The following FHIT variants were observed in gnomAD, a reference collection of about 807,000 sequenced individuals.
FHIT encodes bis(5'-adenosyl)-triphosphatase.
Under a neutral mutation model 17.9 loss-of-function variants are expected in FHIT, and 19 were observed. The observed-to-expected ratio is 1.06, with a 90% CI of 0.74 to 1.56. FHIT has a LOEUF of 1.56. Among genes scored for constraint, FHIT ranks in the 40% most tolerant of loss-of-function variants. The probability of loss-of-function intolerance (pLI) is 0.00; values close to 1 mark genes in which losing one functional copy is unlikely to be tolerated. For missense variants in FHIT, 248 were observed against 189.2 expected (o/e 1.31, Z -1.82); for synonymous variants, 81 against 69.7 (o/e 1.16, Z -0.81).
intron 5 of FHIT, among the ~76,000 whole-genome samples, chr3:60,338,104 G>A (rs1317227566): frequency 1.3e-5 from 2 of 152,066 alleles, no homozygotes; most frequent in African/African-American, 4.8e-5. Flanking sequence ...GGGACAGGAT[G>A]GAATGCGTTT....
intron 7 of FHIT, among the ~76,000 whole-genome samples, chr3:59,925,149 G>A (rs1455502844): frequency 6.7e-6 from 1 of 149,678 alleles, no homozygotes; most frequent in African/African-American, 2.5e-5. Context: ...TGTCACCCAG[G>A]TTGGAGTACA....
intron 5 of FHIT, among the ~76,000 whole-genome samples, chr3:60,139,683 T>C (rs779802263): frequency 4.6e-5 from 7 of 152,194 alleles, no homozygotes; most frequent in East Asian, 1.9e-4. Context: ...TTCTAGAACA[T>C]AGCACAGTGC....
At position 60,607,575 on chromosome 3, in the gene FHIT, T is replaced by C. The variant is rs144963055; in HGVS notation, c.-17-70596A>G. On this transcript the variant is annotated intron_variant, in intron 4 of 9. Coordinates refer to ENST00000492590, the MANE Select transcript of FHIT (RefSeq NM_002012.4). ...GGTAGCAGAGGTGTTGAACATTCAT[T>C]GTGTACTGAGTTCACGTTTCTAGTA... Among the ~76,000 whole-genome samples the C allele has an allele frequency of 7.6e-3, 1,154 of 152,162 alleles. 6 individuals are homozygous for C. Among genetic ancestry groups the C allele is most frequent in the Non-Finnish European group, 0.011 (771 of 68,012 alleles).
At chr3:59,967,919 A>G (rs1427631817) in intron 7 of FHIT, among the ~76,000 whole-genome samples, 3 of 152,144 alleles carry the variant, frequency 2.0e-5, no homozygotes, top group Non-Finnish European at 4.4e-5. Flanking sequence ...TAGAAAATGG[A>G]AAATGAAGGA....
intron 2 of FHIT, among the ~76,000 whole-genome samples, chr3:61,108,159 CTTCTT>C (rs1188518855): frequency 1.3e-5 from 2 of 152,142 alleles, no homozygotes; most frequent in African/African-American, 2.4e-5. Flanking sequence ...ATTCATATCT[CTTCTT>C]TTGAGAAATC....
chr3:60,539,250 C>A (rs1298094127), intron 4 of FHIT, among the ~76,000 whole-genome samples: 1 of 152,212 alleles, frequency 6.6e-6, no homozygotes, highest in Non-Finnish European at 1.5e-5. Context: ...GAGATACAAT[C>A]TCACACCAGC....
intron 6 of FHIT, among the ~76,000 whole-genome samples, chr3:60,012,773 C>T (rs13323989): frequency 2.6e-5 from 4 of 152,028 alleles, no homozygotes; most frequent in Admixed American, 6.5e-5. Context: ...ATTGCATATA[C>T]GAAAGTACTC....
chr3:59,779,184 G>C (rs1278290015), intron 8 of FHIT, among the ~76,000 whole-genome samples: 1 of 151,584 alleles, frequency 6.6e-6, no homozygotes, highest in African/African-American at 2.4e-5. Context: ...CATTAGCTTG[G>C]ACATAAAGAC....
Position 61,156,788 on chromosome 3 carries a change from A to G in FHIT, c.-164+43829T>C, listed in dbSNP as rs147258110. Reference sequence around the variant, plus strand: ...ACATCATGCCAATGCTTCACCTTTTAGGTGAGACAAAGCATGACTCTGCAA... The same window carrying G: ...ACATCATGCCAATGCTTCACCTTTTGGGTGAGACAAAGCATGACTCTGCAA... On this transcript the variant is annotated intron_variant, in intron 2 of 9. Coordinates refer to ENST00000492590, the MANE Select transcript of FHIT (RefSeq NM_002012.4). 1.4e-3 allele frequency among the ~76,000 whole-genome samples: 215 copies of G among 152,346 alleles called. 1 individual carries two copies. The highest frequency in any genetic ancestry group is 5.0e-3 in the African/African-American group (208 of 41,582).
chr3:60,289,456 G>A (rs975127575), intron 5 of FHIT, among the ~76,000 whole-genome samples: 1 of 152,034 alleles, frequency 6.6e-6, no homozygotes, highest in Non-Finnish European at 1.5e-5. Context: ...TTATAAAAGA[G>A]GAAACGACTA....
At chr3:60,128,218 T>C (rs758533587) in intron 5 of FHIT, among the ~76,000 whole-genome samples, 6 of 152,212 alleles carry the variant, frequency 3.9e-5, no homozygotes, top group Non-Finnish European at 7.3e-5. Flanking sequence ...TCTTGAATTG[T>C]AGTTCCCATA....
intron 6 of FHIT, among the ~76,000 whole-genome samples, chr3:60,012,367 C>G (rs1700176963): frequency 6.7e-6 from 1 of 148,966 alleles, no homozygotes; most frequent in Non-Finnish European, 1.5e-5. Context: ...CTCCTGGACT[C>G]AAGTGATTCT....
At chr3:60,712,349 T>C (rs1252492770) in intron 4 of FHIT, among the ~76,000 whole-genome samples, 5 of 152,054 alleles carry the variant, frequency 3.3e-5, no homozygotes, top group Admixed American at 6.5e-5. Context: ...CCATCGAAAC[T>C]AGGAAGAAAT....
chr3:61,202,855 C>T (rs137972522), intron 1 of FHIT, among the ~76,000 whole-genome samples: 267 of 152,136 alleles, frequency 1.8e-3, no homozygotes, highest in African/African-American at 6.1e-3. Flanking sequence ...AGTTTGAGAC[C>T]AGCCTGGCCA....
At chr3:60,111,516 C>T (rs978494517) in intron 5 of FHIT, among the ~76,000 whole-genome samples, 9 of 152,178 alleles carry the variant, frequency 5.9e-5, no homozygotes, top group African/African-American at 2.2e-4. Flanking sequence ...AATGTAATTA[C>T]CCATTTCTTT....
intron 2 of FHIT, among the ~76,000 whole-genome samples, chr3:61,046,784 C>T (rs189956025): frequency 6.6e-6 from 1 of 152,154 alleles, no homozygotes; most frequent in Non-Finnish European, 1.5e-5. Flanking sequence ...CATCAAAAAG[C>T]TTATCCACCA....
intron 5 of FHIT, among the ~76,000 whole-genome samples, chr3:60,114,600 C>G (rs142798985): frequency 0.018 from 2,623 of 145,936 alleles, 86 homozygotes; most frequent in African/African-American, 0.063. Context: ...CTCAAGTCAT[C>G]CTCCCGCCTC....
At chr3:60,907,341 T>C (rs1412251048) in intron 3 of FHIT, among the ~76,000 whole-genome samples, 1 of 152,126 alleles carries the variant, frequency 6.6e-6, no homozygotes, top group East Asian at 1.9e-4. Flanking sequence ...AATCACTGGG[T>C]CGGAATCTTC....
At chr3:60,131,416 C>A (rs1199498525) in intron 5 of FHIT, among the ~76,000 whole-genome samples, 1 of 152,040 alleles carries the variant, frequency 6.6e-6, no homozygotes, top group Non-Finnish European at 1.5e-5. Context: ...AGAGGTCCAA[C>A]TCCATTTTTA....
Sources: gnomAD v4.1 joint callset for allele counts (sites outside exome capture counted in the v4.1 genomes callset) on GRCh38, gnomAD v4.1.1 for gene constraint, MANE v1.5 for transcripts, NCBI Gene and HGNC (gene_info 2026-07-23, HGNC 2026-07-21) for gene names.